Variants in ARMC2 observed in about 807,000 individuals in gnomAD.
ARMC2 encodes the protein armadillo repeat containing 2.
In ARMC2, 67 loss-of-function variants were observed where a neutral mutation model predicts 90.3. The ratio of observed to expected loss-of-function variants is 0.74; its 90% CI spans 0.61 to 0.91. The LOEUF (loss-of-function observed/expected upper bound fraction) is 0.91, where lower values mean the gene tolerates loss of function less well. Ranked by LOEUF, ARMC2 falls within the 40% of genes least tolerant of loss-of-function variation. ARMC2 has a pLI of 0.00. For missense variants in ARMC2, 920 were observed against 1,030.9 expected, an observed-to-expected ratio of 0.89 and a Z score of 1.47; for synonymous variants, 393 against 393.0, an observed-to-expected ratio of 1.00 and a Z score of 0.00.
intron 3 of ARMC2, among the ~76,000 whole-genome samples, chr6:108,860,200 A>G (rs535959684): frequency 6.6e-6 from 1 of 151,616 alleles, no homozygotes; most frequent in East Asian, 1.9e-4. Context: ...TTTGTATAGT[A>G]GTCTGTTCTT....
At chr6:108,858,586 T>C (rs1774898865) in intron 3 of ARMC2, among the ~76,000 whole-genome samples, 1 of 150,900 alleles carries the variant, frequency 6.6e-6, no homozygotes, top group African/African-American at 2.4e-5. Flanking sequence ...TTAACAGTTA[T>C]ATATACAAAA....
chr6:109,039,180 A>C, the ARMC2 span, among the ~76,000 whole-genome samples: 1 of 152,062 alleles, frequency 6.6e-6, no homozygotes, highest in African/African-American at 2.4e-5. Flanking sequence ...AAGAAGAAGA[A>C]GAAAGAAGAG....
chr6:108,936,446 G>A (rs988037242), intron 11 of ARMC2, among the ~76,000 whole-genome samples: 1 of 152,064 alleles, frequency 6.6e-6, no homozygotes, highest in African/African-American at 2.4e-5. Context: ...TGTAGAGATG[G>A]GGTTTCACTA....
intron 8 of ARMC2, among the ~76,000 whole-genome samples, chr6:108,908,432 A>G (rs1773037785): frequency 6.6e-6 from 1 of 152,206 alleles, no homozygotes; most frequent in Admixed American, 6.5e-5. Flanking sequence ...ATACTTGTGG[A>G]TCAAGCACAG....
chr6:108,993,302 T>C, the ARMC2 span, among the ~76,000 whole-genome samples: 4 of 152,224 alleles, frequency 2.6e-5, no homozygotes, highest in African/African-American at 9.6e-5. Flanking sequence ...TAATGACATA[T>C]AATATGTAAC....
intron 5 of ARMC2, among the ~76,000 whole-genome samples, chr6:108,885,504 C>T (rs144509259): frequency 3.0e-4 from 45 of 152,146 alleles, no homozygotes; most frequent in African/African-American, 1.0e-3. Context: ...GCATGCCCAA[C>T]ATGGTGAAAT....
chr6:109,045,875 G>C, the ARMC2 span, among the ~76,000 whole-genome samples: 1 of 152,098 alleles, frequency 6.6e-6, no homozygotes, highest in Non-Finnish European at 1.5e-5. Flanking sequence ...GATAATACAT[G>C]TTTCTGAAAT....
At chr6:109,047,923 C>T in the ARMC2 span, among the ~76,000 whole-genome samples, 1 of 146,120 alleles carries the variant, frequency 6.8e-6, no homozygotes, top group African/African-American at 2.5e-5. Flanking sequence ...CATCACCACT[C>T]CCTAATCTCA....
chr6:108,918,636 T>C (rs948198328), intron 10 of ARMC2, among the ~76,000 whole-genome samples: 1 of 152,180 alleles, frequency 6.6e-6, no homozygotes, highest in Non-Finnish European at 1.5e-5. Context: ...CCACCCTGCA[T>C]GGTCCAGTGA....
At chr6:109,034,261 A>G in the ARMC2 span, among the ~76,000 whole-genome samples, 6 of 152,180 alleles carry the variant, frequency 3.9e-5, no homozygotes, top group Admixed American at 6.5e-5. Context: ...TGAGATAAAA[A>G]TTATTAGGTA....
At chr6:108,923,475 C>T (rs929678759) in intron 10 of ARMC2, among the ~76,000 whole-genome samples, 1 of 151,622 alleles carries the variant, frequency 6.6e-6, no homozygotes, top group Non-Finnish European at 1.5e-5. Context: ...CTCTGTTCAA[C>T]TGAGAGTTCT....
At chr6:108,954,025 G>A (rs1777385748) in intron 13 of ARMC2, among the ~76,000 whole-genome samples, 2 of 152,144 alleles carry the variant, frequency 1.3e-5, no homozygotes, top group Admixed American at 1.3e-4. Context: ...GTGCTCACAT[G>A]GCTATTCCTT....
intron 12 of ARMC2, among the ~76,000 whole-genome samples, chr6:108,947,563 A>T (rs985825696): frequency 6.6e-6 from 1 of 152,178 alleles, no homozygotes. Flanking sequence ...TCCTGGTTTT[A>T]TTCCAGTTAA....
chr6:109,002,310 G>T, the ARMC2 span: 1 of 1,613,386 alleles, frequency 6.2e-7, no homozygotes, highest in Non-Finnish European at 8.5e-7. Context: ...CTTGGTCCCT[G>T]TCCTAGTGGT....
At chr6:108,988,745 T>C in the ARMC2 span, 19 of 1,329,446 alleles carry the variant, frequency 1.4e-5, no homozygotes, top group Admixed American at 3.7e-4. Context: ...GTTTTCATCT[T>C]ACAAAAGTAT....
the ARMC2 span, among the ~76,000 whole-genome samples, chr6:109,044,311 C>CAAAAAAA: frequency 5.6e-4 from 16 of 28,456 alleles, 2 homozygotes; most frequent in African/African-American, 8.1e-4. Flanking sequence ...GAACTTGCCT[C>CAAAAAAA]AAAAAAAAAA....
At chr6:108,881,302 CTT>C in intron 5 of ARMC2, among the ~76,000 whole-genome samples, 1 of 131,104 alleles carries the variant, frequency 7.6e-6, no homozygotes, top group African/African-American at 2.9e-5. Context: ...CCTCCCCTTC[CTT>C]CCTTCCTTCC....
chr6:108,882,438 C>CA (rs61688419), intron 5 of ARMC2, among the ~76,000 whole-genome samples: 61 of 126,462 alleles, frequency 4.8e-4, no homozygotes, highest in South Asian at 4.3e-3. Context: ...GACTCCCTCT[C>CA]AAAAAAAAAA....
At chr6:108,952,507 C>G (rs1280223646) in intron 12 of ARMC2, among the ~76,000 whole-genome samples, 3 of 148,402 alleles carry the variant, frequency 2.0e-5, no homozygotes, top group African/African-American at 5.0e-5. Context: ...GTGTTGTCAT[C>G]TAGTGCGTGG....
Sources: gnomAD v4.1 joint callset for allele counts (sites outside exome capture counted in the v4.1 genomes callset) on GRCh38, gnomAD v4.1.1 for gene constraint, MANE v1.5 for transcripts, NCBI Gene and HGNC (gene_info 2026-07-23, HGNC 2026-07-21) for gene names.